FILIP1L: variants seen among roughly 807,000 people sequenced by gnomAD.
FILIP1L encodes filamin A interacting protein 1 like.
A neutral mutation model predicts 96.6 loss-of-function variants in FILIP1L; 55 were observed. The ratio of observed to expected loss-of-function variants is 0.57; its 90% CI spans 0.46 to 0.71. FILIP1L has a LOEUF of 0.71. Among genes scored for constraint, FILIP1L ranks in the 30% least tolerant of loss-of-function variants. The probability of loss-of-function intolerance (pLI) is 0.00; values close to 1 mark genes in which losing one functional copy is unlikely to be tolerated. For synonymous variants in FILIP1L, 467 were observed against 473.9 expected, an observed-to-expected ratio of 0.99 and a Z score of 0.19; for missense variants, 1,304 against 1,321.2, an observed-to-expected ratio of 0.99 and a Z score of 0.20.
chr3:100,039,355 C>T (rs1388688454), intron 1 of FILIP1L, among the ~76,000 whole-genome samples: 1 of 152,008 alleles, frequency 6.6e-6, no homozygotes, highest in Non-Finnish European at 1.5e-5. Context: ...ACAGGAATAT[C>T]AAAGAGCAGA....
Position 99,850,380 on chromosome 3 carries a change from G to A in FILIP1L, c.1296C>T (p.Asp432=), listed in dbSNP as rs775751047. The A allele has an allele frequency of 2.2e-5, 36 of 1,613,010 alleles. No individual in the cohort carries two copies. The South Asian group carries it at 2.9e-4, about 13-fold the overall frequency. Residue 432 remains aspartate, a synonymous_variant, in exon 5 of 6, where the codon GAC becomes GAT. Coordinates refer to ENST00000477258, the MANE Select transcript of FILIP1L (RefSeq NM_001387850.1). The stretch of plus-strand genomic sequence containing the variant: ...ATTCTTGTTTGCTTTTGTTGAAAGC[G>A]TCTTCTAACTTTTCCAGAGCCATAA... The part of the protein sequence containing the change: ...KRIMALEKLE[D]AFNKSKQECY...
At chr3:100,064,417 T>G (rs2065627367) in intron 1 of FILIP1L, among the ~76,000 whole-genome samples, 1 of 152,022 alleles carries the variant, frequency 6.6e-6, no homozygotes, top group Non-Finnish European at 1.5e-5. Context: ...TTTTCAACAT[T>G]AAAGCCACTC....
intron 1 of FILIP1L, among the ~76,000 whole-genome samples, chr3:99,953,538 T>G (rs1221627562): frequency 3.3e-5 from 5 of 152,156 alleles, no homozygotes. Context: ...CGTTGGACCA[T>G]TTTACCTTTG....
chr3:99,965,897 G>A (rs942699078), intron 1 of FILIP1L, among the ~76,000 whole-genome samples: 1 of 152,104 alleles, frequency 6.6e-6, no homozygotes, highest in African/African-American at 2.4e-5. Context: ...GCCGCCACTG[G>A]ACCATTTCTG....
intron 1 of FILIP1L, among the ~76,000 whole-genome samples, chr3:100,105,597 A>G (rs942421698): frequency 2.6e-5 from 4 of 152,208 alleles, no homozygotes; most frequent in African/African-American, 7.2e-5. Flanking sequence ...CAGAATTGAT[A>G]AGGTATTTCC....
At chr3:99,833,385 G>T in intron 5 of FILIP1L, 1 of 754,888 alleles carries the variant, frequency 1.3e-6, no homozygotes, top group Non-Finnish European at 2.2e-6. Context: ...CCTGGTTACA[G>T]TGAGTTATTA....
At chr3:99,876,156 G>C (rs1705506177) in intron 4 of FILIP1L, 9 of 985,798 alleles carry the variant, frequency 9.1e-6, no homozygotes, top group Non-Finnish European at 1.1e-5. Context: ...CGCGCTCCGA[G>C]AGTCGCCCGA....
rs1576503661 is a variant in FILIP1L at position 99,844,114 on chromosome 3, G to A, written c.3381+4181C>T. On this transcript the variant is annotated intron_variant, in intron 5 of 5. Coordinates refer to ENST00000477258, the MANE Select transcript of FILIP1L (RefSeq NM_001387850.1). The stretch of plus-strand genomic sequence containing the variant: ...ATTGTGTGGCTGACTGGGAGCTGTG[G>A]CTCACTGCCACTACCCAGCACTGGG... Among the ~76,000 whole-genome samples, 7 of 152,236 alleles carry A rather than the reference G, an allele frequency of 4.6e-5. 2 individuals carry two copies. The highest frequency in any genetic ancestry group is 4.6e-4 in the Admixed American group (7 of 15,302).
At chr3:99,927,845 C>T (rs1707345434) in intron 3 of FILIP1L, among the ~76,000 whole-genome samples, 1 of 152,050 alleles carries the variant, frequency 6.6e-6, no homozygotes, top group Admixed American at 6.5e-5. Context: ...GCTCCTAGCC[C>T]CAGCCCCAAG....
chr3:100,017,311 T>C lies in FILIP1L; in HGVS notation c.-10-86281A>G, dbSNP rs140293835. ...AGCAAAGGTTTTTGGGGCTCCAGTG[T>C]AGATTGGAGCAGTGAAGTTAGATGA... On this transcript the variant is annotated intron_variant, in intron 1 of 5. Transcript: ENST00000477258. Among the ~76,000 whole-genome samples the C allele has an allele frequency of 5.1e-3, 773 of 152,314 alleles. 5 individuals are homozygous for C. Among genetic ancestry groups the C allele is most frequent in the African/African-American group, 0.018 (730 of 41,570 alleles).
intron 4 of FILIP1L, among the ~76,000 whole-genome samples, chr3:99,917,295 A>G (rs1029856125): frequency 1.3e-5 from 2 of 152,124 alleles, no homozygotes; most frequent in Non-Finnish European, 2.9e-5. Context: ...TTCTTCCTAA[A>G]TTATCTACAG....
rs537649887 is a variant in FILIP1L, at chr3:99,964,517, A to C, written c.-10-33487T>G. 2.6e-5 allele frequency: 4 copies of C among 152,414 alleles called. No homozygotes were observed. In the South Asian group the frequency reaches 8.4e-4, roughly 32 times the overall value. 9.4% of individuals were successfully genotyped at this position (152,414 alleles called of 1,614,324 possible). A position where few individuals can be genotyped will look rare whatever the true frequency, so the allele number is the denominator to read the frequency against. The stretch of plus-strand genomic sequence containing the variant: ...AGGGCTCAGAGCTAGGTAGTGAGAA[A>C]GCCTGTGCCAAAACCCAAATCTCAT... On this transcript the variant is annotated intron_variant, in intron 1 of 5. Coordinates refer to ENST00000477258, the MANE Select transcript of FILIP1L (RefSeq NM_001387850.1).
chr3:100,091,145 C>T (rs189892974), intron 1 of FILIP1L, among the ~76,000 whole-genome samples: 13,427 of 151,764 alleles, frequency 0.088, 738 homozygotes, highest in African/African-American at 0.14. Context: ...CTTAGCTGGG[C>T]ATGGTGGCGG....
At chr3:100,053,341 T>C (rs2065405771) in intron 1 of FILIP1L, among the ~76,000 whole-genome samples, 1 of 152,208 alleles carries the variant, frequency 6.6e-6, no homozygotes, top group African/African-American at 2.4e-5. Context: ...TCAAAGGCCG[T>C]AGGGAAGAAT....
chr3:100,076,765 G>A (rs575467111), intron 1 of FILIP1L, among the ~76,000 whole-genome samples: 116 of 152,240 alleles, frequency 7.6e-4, no homozygotes, highest in African/African-American at 2.5e-3. Flanking sequence ...TTAATGTAAC[G>A]TCTTCTCAGA....
At chr3:99,863,872 AC>A (rs925125135) in intron 4 of FILIP1L, among the ~76,000 whole-genome samples, 9 of 152,172 alleles carry the variant, frequency 5.9e-5, no homozygotes, top group Admixed American at 1.3e-4. Context: ...TCCCCTTTTT[AC>A]ACAAAAGTAG....
chr3:100,044,470 G>A (rs1217668147), intron 1 of FILIP1L, among the ~76,000 whole-genome samples: 2 of 152,164 alleles, frequency 1.3e-5, no homozygotes, highest in African/African-American at 4.8e-5. Context: ...GAGTATACAA[G>A]AGCATCACAG....
At chr3:100,102,144 G>T (rs200055653) in intron 1 of FILIP1L, among the ~76,000 whole-genome samples, 1 of 152,138 alleles carries the variant, frequency 6.6e-6, no homozygotes, top group Non-Finnish European at 1.5e-5. Context: ...CCAGTAATGG[G>T]ATTGCTGGGT....
At chr3:99,892,098 C>T (rs1706100803) in intron 4 of FILIP1L, among the ~76,000 whole-genome samples, 2 of 152,172 alleles carry the variant, frequency 1.3e-5, no homozygotes, top group South Asian at 4.1e-4. Flanking sequence ...TTTTACCAAA[C>T]CTCTGTGAGA....
Sources: allele counts gnomAD v4.1 joint callset (sites outside exome capture counted in the v4.1 genomes callset), GRCh38; gene constraint gnomAD v4.1.1; transcripts MANE v1.5; gene names NCBI Gene and HGNC (gene_info 2026-07-23, HGNC 2026-07-21).